NT5C3A: variants seen among roughly 807,000 people sequenced by gnomAD.
The protein encoded by NT5C3A is cytosolic 5'-nucleotidase 3A.
A neutral mutation model predicts 40.0 loss-of-function variants in NT5C3A; 23 were observed. The ratio of observed to expected loss-of-function variants is 0.58; its 90% CI spans 0.41 to 0.81. The LOEUF is 0.81. Ranked by LOEUF, NT5C3A falls within the 40% of genes least tolerant of loss-of-function variation. NT5C3A has a pLI of 0.00. For synonymous variants in NT5C3A, 130 were observed against 141.4 expected (o/e 0.92, Z 0.57); for missense variants, 328 against 403.0 (o/e 0.81, Z 1.59).
At chr7:33,060,369 C>CTTTTTTT (rs3082829) in intron 1 of NT5C3A, among the ~76,000 whole-genome samples, 1 of 78,474 alleles carries the variant, frequency 1.3e-5, no homozygotes, top group Non-Finnish European at 2.3e-5. Flanking sequence ...TGCTTTCCTT[C>CTTTTTTT]TTTTTTTTTT....
chr7:33,032,211 G>T (rs1317750683), intron 1 of NT5C3A, among the ~76,000 whole-genome samples: 1 of 151,934 alleles, frequency 6.6e-6, no homozygotes, highest in Non-Finnish European at 1.5e-5. Flanking sequence ...ATCACCAGAG[G>T]TCGGGAGTTC....
intron 1 of NT5C3A, chr7:33,038,791 T>C (rs1322989280): frequency 8.8e-6 from 4 of 455,076 alleles, no homozygotes; most frequent in Non-Finnish European, 1.8e-5. Context: ...TGTAAACCTA[T>C]ACCTGGTATA....
intron 1 of NT5C3A, among the ~76,000 whole-genome samples, chr7:33,027,585 A>T (rs1786013276): frequency 1.3e-5 from 2 of 152,210 alleles, no homozygotes; most frequent in African/African-American, 4.8e-5. Context: ...GTGAAGATAA[A>T]CAAGTAACAT....
chr7:33,021,886 T>A (rs1785645511), intron 4 of NT5C3A, 167 bp downstream of exon 4: 1 of 590,316 alleles, frequency 1.7e-6, no homozygotes, highest in South Asian at 2.1e-5. Flanking sequence ...GTTTTGAATG[T>A]GTAATTCATA....
intron 2 of NT5C3A, among the ~76,000 whole-genome samples, chr7:33,024,650 T>C (rs1003469114): frequency 2.0e-5 from 3 of 152,130 alleles, no homozygotes; most frequent in Admixed American, 6.5e-5. Context: ...GGAATGACTA[T>C]AGTAAACAGT....
At chr7:33,014,865 G>T in intron 8 of NT5C3A, 34 bp from the exon 9 acceptor site, 6 of 1,556,082 alleles carry the variant, frequency 3.9e-6, no homozygotes, top group Non-Finnish European at 5.3e-6. Flanking sequence ...AAATTAACAT[G>T]CAGGGCAAAG....
intron 6 of NT5C3A, among the ~76,000 whole-genome samples, chr7:33,018,055 C>G (rs1485921756): frequency 1.3e-5 from 2 of 152,054 alleles, no homozygotes; most frequent in Non-Finnish European, 2.9e-5. Flanking sequence ...TTAAGCTACA[C>G]CTTGAAAACC....
In NT5C3A at chr7:33,062,658, G is replaced by A. The variant is rs1289262498; in HGVS notation, c.48C>T (p.Ser16=). Reference sequence around the variant, plus strand: ...CCACCCCCGCCACCAGGGCGCACACGCTGGCGCTCGCTACCGCGCCCACCC... The same window carrying A: ...CCACCCCCGCCACCAGGGCGCACACACTGGCGCTCGCTACCGCGCCCACCC... ...VARVGAVASA[S]VCALVAGVVL... Residue 16 remains serine (S), a synonymous_variant, in exon 1 of 9, where the codon AGC becomes AGT. Transcript: ENST00000610140. The A allele has an allele frequency of 2.5e-6, 4 of 1,588,980 alleles. No homozygotes were observed. Among genetic ancestry groups the A allele is most frequent in the Non-Finnish European group, 1.7e-6 (2 of 1,168,902 alleles).
chr7:33,060,719 T>C (rs1228856953), intron 1 of NT5C3A, among the ~76,000 whole-genome samples: 1 of 152,140 alleles, frequency 6.6e-6, no homozygotes, highest in African/African-American at 2.4e-5. Flanking sequence ...TGCAGAGATT[T>C]TTCTGAGGGA....
intron 1 of NT5C3A, among the ~76,000 whole-genome samples, chr7:33,051,932 G>A (rs1554293446): frequency 6.6e-6 from 1 of 152,008 alleles, no homozygotes; most frequent in Non-Finnish European, 1.5e-5. Context: ...ATATATAAAA[G>A]CAATACATGC....
intron 1 of NT5C3A, among the ~76,000 whole-genome samples, chr7:33,059,273 T>A (rs566684103): frequency 6.6e-6 from 1 of 152,232 alleles, no homozygotes; most frequent in Non-Finnish European, 1.5e-5. Flanking sequence ...TATATATTGG[T>A]TACTCTGGGC....
intron 1 of NT5C3A, among the ~76,000 whole-genome samples, chr7:33,037,554 A>G (rs772591381): frequency 2.6e-5 from 4 of 152,166 alleles, no homozygotes; most frequent in Non-Finnish European, 5.9e-5. Context: ...AGATATATCA[A>G]ATTTTCTCAA....
At chr7:33,041,033 C>T in intron 1 of NT5C3A, 4 of 985,418 alleles carry the variant, frequency 4.1e-6, no homozygotes, top group Non-Finnish European at 4.8e-6. Context: ...TATATATGCT[C>T]TTGGTTACAG....
At chr7:33,056,165 T>A (rs950102397) in intron 1 of NT5C3A, among the ~76,000 whole-genome samples, 2 of 151,920 alleles carry the variant, frequency 1.3e-5, no homozygotes, top group East Asian at 3.9e-4. Flanking sequence ...GGAACATAAA[T>A]AATAATAAAC....
intron 1 of NT5C3A, among the ~76,000 whole-genome samples, chr7:33,032,639 T>C (rs1270151794): frequency 5.9e-5 from 9 of 151,744 alleles, no homozygotes; most frequent in Admixed American, 5.3e-4. Flanking sequence ...CATTTTTTTG[T>C]AGAAACAGGG....
At chr7:33,042,329 A>AAAAAAAACAAAAAACAAAAAAACCCC (rs1360504285) in intron 1 of NT5C3A, among the ~76,000 whole-genome samples, 6 of 148,914 alleles carry the variant, frequency 4.0e-5, no homozygotes, top group Non-Finnish European at 8.9e-5. Flanking sequence ...AAACTGTCTC[A>AAAAAAAACAAAAAACAAAAAAACCCC]AAAAAAACAA....
rs932819438 is a variant in NT5C3A at position 33,062,628 on chromosome 7, C to G, written c.78G>C (p.Leu26=). The G allele has an allele frequency of 6.2e-6, 10 of 1,606,038 alleles. No homozygotes were observed. Among genetic ancestry groups the G allele is most frequent in the Non-Finnish European group, 8.5e-6 (10 of 1,177,166 alleles). ...SVCALVAGVV[L]AQYIFTLKRK... is the part of the protein sequence containing the mutation. ...TCTTCAAGGTGAATATGTACTGAGC[C>G]AGCACCACCCCCGCCACCAGGGCGC... Residue 26 remains leucine (L), a synonymous_variant, in exon 1 of 9, where the codon CTG becomes CTC. Transcript: ENST00000610140.
intron 7 of NT5C3A, chr7:33,017,060 G>A (rs184936713): frequency 7.1e-4 from 127 of 179,656 alleles, no homozygotes; most frequent in Middle Eastern, 2.5e-3. Flanking sequence ...GCAGACGCTT[G>A]TAATCCCAGC....
At chr7:33,023,024 C>T (rs1280296112) in intron 3 of NT5C3A, among the ~76,000 whole-genome samples, 1 of 151,234 alleles carries the variant, frequency 6.6e-6, no homozygotes, top group African/African-American at 2.4e-5. Flanking sequence ...CTCAAGGACC[C>T]TCTCAGCCTC....
Sources: gnomAD v4.1 joint callset for allele counts (sites outside exome capture counted in the v4.1 genomes callset) on GRCh38, gnomAD v4.1.1 for gene constraint, MANE v1.5 for transcripts, NCBI Gene and HGNC (gene_info 2026-07-23, HGNC 2026-07-21) for gene names.